The following CDK11B variants were observed in gnomAD, a reference collection of about 807,000 sequenced individuals.
CDK11B encodes the protein cyclin dependent kinase 11B, also known as cyclin-dependent kinase 11B.
Under a neutral mutation model 84.0 loss-of-function variants are expected in CDK11B, and 37 were observed. The observed-to-expected ratio is 0.44, with a 90% CI of 0.34 to 0.58. The LOEUF is 0.58. Ranked by LOEUF, CDK11B falls within the 20% of genes least tolerant of loss-of-function variation. The probability of loss-of-function intolerance (pLI) is 0.02; values close to 1 mark genes in which losing one functional copy is unlikely to be tolerated. For synonymous variants in CDK11B, 269 were observed against 309.8 expected (o/e 0.87, Z 1.38); for missense variants, 427 against 834.0 (o/e 0.51, Z 6.01).
In CDK11B at chr1:1,649,600, G is replaced by A. The variant is rs1233775400; in HGVS notation, c.393C>T (p.His131=). 16 of 1,608,338 alleles carry A rather than the reference G, an allele frequency of 9.9e-6. No homozygotes were observed. The highest frequency in any genetic ancestry group is 6.7e-5 in the East Asian group (3 of 44,878). Residue 131 remains histidine, a synonymous_variant, in exon 5 of 20, where the codon CAC becomes CAT. Coordinates refer to ENST00000341832, the MANE Select transcript of CDK11B (RefSeq NM_033486.3). ...HARVKEKERE[H]ERRKRHREEQ... The stretch of plus-strand genomic sequence containing the variant: ...CTTCTCGATGCCGTTTCCGACGTTC[G>A]TGCTCTCTTTCTTTTTCTTTCACTC...
intron 13 of CDK11B, 88 bp downstream of exon 13, chr1:1,637,674 G>C (rs1570020353): frequency 2.5e-6 from 4 of 1,611,964 alleles, no homozygotes; most frequent in East Asian, 2.2e-5. Context: ...GTGCAGGAGA[G>C]TGTAGGAAGC....
intron 2 of CDK11B, among the ~76,000 whole-genome samples, chr1:1,655,829 C>A (rs1287639102): frequency 6.6e-6 from 1 of 151,630 alleles, no homozygotes; most frequent in Non-Finnish European, 1.5e-5. Flanking sequence ...ATTGCAGTGA[C>A]CCGAGATCAC....
Position 1,650,063 on chromosome 1 carries a change from G to GAAC in CDK11B, c.356-427_356-426insGTT, listed in dbSNP as rs1396559140. Reference sequence around the variant, plus strand: ...CCGAGGTGGGCGGATCACAAGGTCAGATCGGGACCATCCTGGCTAACACGG... The same window carrying GAAC: ...CCGAGGTGGGCGGATCACAAGGTCAGAACATCGGGACCATCCTGGCTAACACGG... On this transcript the variant is annotated intron_variant, in intron 4 of 19. Coordinates refer to ENST00000341832, the MANE Select transcript of CDK11B (RefSeq NM_033486.3). Among the ~76,000 whole-genome samples the GAAC allele has an allele frequency of 1.9e-4, 29 of 150,676 alleles. 1 individual carries two copies. The South Asian group carries it at 4.4e-3, about 23-fold the overall frequency.
chr1:1,658,950 G>A lies in CDK11B; in HGVS notation c.-50C>T, dbSNP rs1278518446. The A allele has an allele frequency of 1.5e-5, 3 of 206,372 alleles. No homozygotes were observed. Among genetic ancestry groups the A allele is most frequent in the South Asian group, 1.2e-4 (2 of 17,240 alleles). The allele number at this position is 206,372 out of a possible 1,614,324, so 12.8% of individuals were successfully genotyped here. On this transcript the variant is annotated 5_prime_UTR_variant, in exon 1 of 20. Transcript: ENST00000341832. The stretch of plus-strand genomic sequence containing the variant: ...CGCCGCTGCCGCCGCCGCCGCCGCC[G>A]GTCCCGGAGCCAGAGAAGAAACAGC...
intron 4 of CDK11B, 53 bp from the exon 5 acceptor site, chr1:1,649,690 T>C (rs1641632863): frequency 1.3e-6 from 2 of 1,586,548 alleles, no homozygotes; most frequent in African/African-American, 2.7e-5. Context: ...AAATTTCACA[T>C]GAAGCCGGGC....
chr1:1,640,060 G>GGCA (rs1640031099), intron 11 of CDK11B, among the ~76,000 whole-genome samples: 1 of 151,760 alleles, frequency 6.6e-6, no homozygotes, highest in East Asian at 1.9e-4. Flanking sequence ...CAGTCCTGCG[G>GGCA]GCAGCTCCCT....
At position 1,649,675 on chromosome 1, in the gene CDK11B, T is replaced by C. The variant is rs1427446458; in HGVS notation, c.356-38A>G. The C allele has an allele frequency of 6.9e-5, 110 of 1,602,850 alleles. 1 individual carries two copies. Among genetic ancestry groups the C allele is most frequent in the Non-Finnish European group, 2.7e-5 (32 of 1,173,518 alleles). ...AAAGTGTCATGCAAAGAAACCTCAC[T>C]TCAAAAATTTCACATGAAGCCGGGC... is the stretch of plus-strand genomic sequence containing the variant. On this transcript the variant is annotated intron_variant, in intron 4 of 19. Transcript: ENST00000341832.
At chr1:1,656,910 A>C (rs1021848407) in intron 2 of CDK11B, among the ~76,000 whole-genome samples, 6 of 151,846 alleles carry the variant, frequency 4.0e-5, no homozygotes, top group African/African-American at 1.2e-4. Flanking sequence ...ATCCCAAATG[A>C]TGCTGCTAAA....
intron 3 of CDK11B, among the ~76,000 whole-genome samples, chr1:1,653,862 A>ACACACACACACACC (rs1491423617): frequency 1.4e-5 from 2 of 143,540 alleles, no homozygotes; most frequent in African/African-American, 5.5e-5. Flanking sequence ...ACACACACAC[A>ACACACACACACACC]CCCGAGCGTG....
chr1:1,648,554 G>C lies in CDK11B; in HGVS notation c.494+945C>G, dbSNP rs561929619. 9.5e-4 allele frequency among the ~76,000 whole-genome samples: 143 copies of C among 150,010 alleles called. 1 individual carries two copies. The highest frequency in any genetic ancestry group is 3.4e-3 in the African/African-American group (134 of 39,690). On this transcript the variant is annotated intron_variant, in intron 5 of 19. Transcript: ENST00000341832. ...TTCAGACTCCTCTCTTCCTGGAGCA[G>C]CTTGCAAGCTTTCTGTGGACTCACT...
At chr1:1,639,496 G>A (rs1170911822) in intron 11 of CDK11B, among the ~76,000 whole-genome samples, 1 of 151,928 alleles carries the variant, frequency 6.6e-6, no homozygotes, top group Non-Finnish European at 1.5e-5. Context: ...CTGAGGACGG[G>A]CCCTACCTGC....
intron 4 of CDK11B, among the ~76,000 whole-genome samples, chr1:1,650,020 T>C (rs1641719500): frequency 6.8e-6 from 1 of 148,028 alleles, no homozygotes; most frequent in Admixed American, 6.8e-5. Context: ...ACGCCTGTAA[T>C]TCCAGCACTC....
At position 1,636,885 on chromosome 1, in the gene CDK11B, C is replaced by T. The variant is rs368089538; in HGVS notation, c.1800+12G>A. The stretch of plus-strand genomic sequence containing the variant: ...GGGGGACAGGGGAGGCACTCAGACG[C>T]CCAGGACTCACCTTGGCACCAAGCA... On this transcript the variant is annotated intron_variant, in intron 16 of 19. Transcript: ENST00000341832. 374 of 1,608,766 alleles carry T rather than the reference C, an allele frequency of 2.3e-4. No homozygotes were observed. The highest frequency in any genetic ancestry group is 3.0e-4 in the Non-Finnish European group (357 of 1,176,898).
chr1:1,636,249 G>A (rs1302829803), intron 18 of CDK11B, 84 bp downstream of exon 18: 24 of 1,353,338 alleles, frequency 1.8e-5, no homozygotes, highest in African/African-American at 2.9e-5. Flanking sequence ...GTTCTGGAAC[G>A]TGGTGAGCCA....
At chr1:1,654,296 G>A in intron 3 of CDK11B, 1 of 392,636 alleles carries the variant, frequency 2.5e-6, no homozygotes, top group Admixed American at 3.2e-5. Context: ...TTTCCACACA[G>A]GGTCTTGCTC....
intron 4 of CDK11B, among the ~76,000 whole-genome samples, chr1:1,651,779 C>T (rs1408613274): frequency 1.3e-5 from 2 of 151,220 alleles, no homozygotes; most frequent in African/African-American, 4.9e-5. Context: ...GTCTGTAACA[C>T]ACGCACGCTT....
rs554262887 is a variant in CDK11B, at chr1:1,640,961, C to T, written c.1075+87G>A. 63 of 1,598,032 alleles carry T rather than the reference C, an allele frequency of 3.9e-5. No individual in the cohort carries two copies. In the East Asian group the frequency reaches 4.2e-4, roughly 11 times the overall value. ...GCCTCCCAGACCCTGGCGTGCCCCA[C>T]GCTGCGCAGGACCGGCTGTCTTAGG... On this transcript the variant is annotated intron_variant, in intron 10 of 19. Transcript: ENST00000341832.
At chr1:1,640,784 C>T (rs1267692215) in intron 10 of CDK11B, among the ~76,000 whole-genome samples, 1 of 152,246 alleles carries the variant, frequency 6.6e-6, no homozygotes, top group East Asian at 1.9e-4. Context: ...CCCGGAGCCA[C>T]CATCTGACGG....
intron 1 of CDK11B, among the ~76,000 whole-genome samples, chr1:1,658,215 A>G (rs1249596960): frequency 1.5e-4 from 22 of 150,024 alleles, no homozygotes; most frequent in Admixed American, 3.3e-4. Flanking sequence ...CAAGGTGGCG[A>G]GCGCCTGTAG....
Sources: gnomAD v4.1 joint callset for allele counts (sites outside exome capture counted in the v4.1 genomes callset) on GRCh38, gnomAD v4.1.1 for gene constraint, MANE v1.5 for transcripts, NCBI Gene and HGNC (gene_info 2026-07-23, HGNC 2026-07-21) for gene names.